NRG3: variants seen among roughly 807,000 people sequenced by gnomAD.
NRG3 encodes neuregulin 3.
In NRG3, 31 loss-of-function variants were observed where a neutral mutation model predicts 66.9. The observed-to-expected ratio is 0.46, with a 90% CI of 0.35 to 0.63. NRG3 has a LOEUF of 0.63. Ranked by LOEUF, NRG3 falls within the 20% of genes least tolerant of loss-of-function variation. The pLI is 0.00. For synonymous variants in NRG3, 393 were observed against 359.4 expected (o/e 1.09, Z -1.06); for missense variants, 910 against 878.9 (o/e 1.04, Z -0.45).
chr10:82,082,380 T>C (rs556082211), intron 1 of NRG3, among the ~76,000 whole-genome samples: 1 of 152,334 alleles, frequency 6.6e-6, no homozygotes, highest in East Asian at 1.9e-4. Context: ...TTATTTTCAA[T>C]TGAGAAAATT....
chr10:82,279,338 G>A (rs753448715), intron 1 of NRG3, among the ~76,000 whole-genome samples: 2 of 152,028 alleles, frequency 1.3e-5, no homozygotes, highest in Non-Finnish European at 2.9e-5. Context: ...CATCAAACTG[G>A]CACTACTGCT....
intron 1 of NRG3, among the ~76,000 whole-genome samples, chr10:82,025,807 G>A (rs932090978): frequency 1.3e-4 from 19 of 151,950 alleles, no homozygotes; most frequent in Non-Finnish European, 2.2e-4. Flanking sequence ...GGTTTATATC[G>A]TCTATTTACT....
chr10:82,452,746 T>G (rs923009523), intron 2 of NRG3, among the ~76,000 whole-genome samples: 18 of 152,336 alleles, frequency 1.2e-4, no homozygotes, highest in African/African-American at 4.3e-4. Context: ...ATGTGTTGAT[T>G]CAATAACCTG....
intron 2 of NRG3, among the ~76,000 whole-genome samples, chr10:82,611,721 A>G (rs2048328856): frequency 6.6e-6 from 1 of 152,212 alleles, no homozygotes; most frequent in Non-Finnish European, 1.5e-5. Flanking sequence ...TAGTGCCACA[A>G]TAAACATACA....
chr10:82,981,860 T>C (rs904468625), intron 8 of NRG3, among the ~76,000 whole-genome samples: 3 of 152,170 alleles, frequency 2.0e-5, no homozygotes, highest in Admixed American at 6.5e-5. Context: ...TCACAAAAGT[T>C]AGATTCACAC....
At chr10:82,246,451 A>G (rs559250137) in intron 1 of NRG3, among the ~76,000 whole-genome samples, 2 of 152,336 alleles carry the variant, frequency 1.3e-5, no homozygotes, top group South Asian at 4.1e-4. Flanking sequence ...ACTATTTACT[A>G]GAGAAAACAC....
chr10:82,851,965 C>T (rs1299982554), intron 3 of NRG3, among the ~76,000 whole-genome samples: 1 of 152,056 alleles, frequency 6.6e-6, no homozygotes, highest in African/African-American at 2.4e-5. Flanking sequence ...TAGTGACCCT[C>T]TGTAGGGAAA....
intron 2 of NRG3, among the ~76,000 whole-genome samples, chr10:82,529,086 T>G (rs1044217196): frequency 1.3e-5 from 2 of 152,246 alleles, no homozygotes; most frequent in African/African-American, 4.8e-5. Flanking sequence ...ATTTTTAACA[T>G]GCGCTTAGAA....
chr10:81,883,241 A>T (rs1316172361), intron 1 of NRG3, among the ~76,000 whole-genome samples: 1 of 152,122 alleles, frequency 6.6e-6, no homozygotes, highest in Admixed American at 6.6e-5. Flanking sequence ...TACTGTTTGG[A>T]TTTGTACTTT....
At chr10:82,631,784 GAAAATTTAAAAAT>G (rs2049858052) in intron 2 of NRG3, among the ~76,000 whole-genome samples, 1 of 151,952 alleles carries the variant, frequency 6.6e-6, no homozygotes, top group Non-Finnish European at 1.5e-5. Context: ...ATTCCACACT[GAAAATTTAAAAAT>G]AAAATTTAAA....
intron 1 of NRG3, among the ~76,000 whole-genome samples, chr10:82,304,319 C>T (rs1417434864): frequency 6.6e-6 from 1 of 152,016 alleles, no homozygotes; most frequent in African/African-American, 2.4e-5. Context: ...ATTTCTTAGC[C>T]CATATATTTT....
intron 1 of NRG3, among the ~76,000 whole-genome samples, chr10:82,175,383 G>A (rs1425231986): frequency 2.6e-5 from 4 of 152,052 alleles, no homozygotes; most frequent in African/African-American, 7.2e-5. Flanking sequence ...TAGCAGCAGC[G>A]CCTTTTACAG....
chr10:81,920,155 C>A (rs1241392522), intron 1 of NRG3, among the ~76,000 whole-genome samples: 1 of 152,122 alleles, frequency 6.6e-6, no homozygotes, highest in Non-Finnish European at 1.5e-5. Context: ...CTTGACTTCA[C>A]TTTTGAAGAA....
At chr10:82,950,714 A>C (rs1327961687) in intron 4 of NRG3, among the ~76,000 whole-genome samples, 1 of 152,214 alleles carries the variant, frequency 6.6e-6, no homozygotes, top group African/African-American at 2.4e-5. Context: ...TTAACAGAGA[A>C]ACTGCTGGGT....
At chr10:82,060,781 G>A (rs998614366) in intron 1 of NRG3, among the ~76,000 whole-genome samples, 1 of 152,194 alleles carries the variant, frequency 6.6e-6, no homozygotes. Context: ...GTGGCCAGTA[G>A]AAGGTGGGAA....
At chr10:82,416,630 C>T (rs2088599770) in intron 2 of NRG3, among the ~76,000 whole-genome samples, 1 of 152,120 alleles carries the variant, frequency 6.6e-6, no homozygotes, top group South Asian at 2.1e-4. Context: ...ACATAGAGCC[C>T]TCCTGTCTGC....
At chr10:81,885,173 C>T (rs941062453) in intron 1 of NRG3, among the ~76,000 whole-genome samples, 2 of 152,134 alleles carry the variant, frequency 1.3e-5, no homozygotes, top group Admixed American at 1.3e-4. Context: ...AAAACAGTTA[C>T]AGACTTTATT....
intron 2 of NRG3, among the ~76,000 whole-genome samples, chr10:82,359,773 G>T (rs1158326078): frequency 1.3e-5 from 2 of 151,936 alleles, no homozygotes; most frequent in East Asian, 3.9e-4. Flanking sequence ...TAATTATTCT[G>T]AATAGTGAGG....
intron 3 of NRG3, among the ~76,000 whole-genome samples, chr10:82,827,993 C>T (rs1038691474): frequency 6.6e-6 from 1 of 151,956 alleles, no homozygotes; most frequent in Non-Finnish European, 1.5e-5. Flanking sequence ...TTCTGTCATA[C>T]CAGATGGAGA....
Sources: gnomAD v4.1 joint callset for allele counts (sites outside exome capture counted in the v4.1 genomes callset) on GRCh38, gnomAD v4.1.1 for gene constraint, MANE v1.5 for transcripts, NCBI Gene and HGNC (gene_info 2026-07-23, HGNC 2026-07-21) for gene names.